SPMAP2L: variants seen among roughly 807,000 people sequenced by gnomAD.
SPMAP2L encodes the protein sperm microtubule associated protein 2-like.
chr4:56,593,160 T>C, the SPMAP2L span: 1 of 1,559,410 alleles, frequency 6.4e-7, no homozygotes, highest in Non-Finnish European at 8.8e-7. Flanking sequence ...CAGCCTGAGG[T>C]GTCTCAGGGG....
the SPMAP2L span, chr4:56,600,929 T>C: frequency 1.3e-6 from 2 of 1,533,266 alleles, no homozygotes; most frequent in South Asian, 1.2e-5. Context: ...TTGTTTCCAC[T>C]ATAGGTACCT....
the SPMAP2L span, among the ~76,000 whole-genome samples, chr4:56,589,708 G>T: frequency 5.2e-5 from 7 of 134,372 alleles, no homozygotes; most frequent in African/African-American, 1.0e-4. Flanking sequence ...TTGGGTTTTT[G>T]TTGTTGTTGT....
the SPMAP2L span, among the ~76,000 whole-genome samples, chr4:56,592,231 A>G: frequency 1.3e-4 from 20 of 152,186 alleles, no homozygotes; most frequent in Admixed American, 1.3e-3. Flanking sequence ...TTTCATCCCT[A>G]AACCATCCTT....
the SPMAP2L span, among the ~76,000 whole-genome samples, chr4:56,567,004 A>G: frequency 9.2e-5 from 14 of 151,840 alleles, no homozygotes; most frequent in Admixed American, 1.3e-4. Flanking sequence ...CTAGTGTAAG[A>G]TTCTTATAAT....
At chr4:56,551,310 G>T in the SPMAP2L span, among the ~76,000 whole-genome samples, 1 of 152,284 alleles carries the variant, frequency 6.6e-6, no homozygotes, top group Admixed American at 6.5e-5. Flanking sequence ...GGGTAGGAGT[G>T]ACATCTGTTT....
At chr4:56,545,589 C>T in the SPMAP2L span, among the ~76,000 whole-genome samples, 1 of 151,860 alleles carries the variant, frequency 6.6e-6, no homozygotes, top group Admixed American at 6.6e-5. Context: ...GGCTTGGTGG[C>T]ACACACCTGT....
chr4:56,585,602 A>G, the SPMAP2L span, among the ~76,000 whole-genome samples: 19 of 152,184 alleles, frequency 1.2e-4, no homozygotes, highest in Non-Finnish European at 2.1e-4. Context: ...TTGACCTCCC[A>G]AAATGCTGGG....
the SPMAP2L span, among the ~76,000 whole-genome samples, chr4:56,546,069 C>T: frequency 5.3e-5 from 8 of 152,220 alleles, no homozygotes; most frequent in African/African-American, 9.6e-5. Flanking sequence ...GTTGGGATTA[C>T]AGGCATAAGC....
the SPMAP2L span, among the ~76,000 whole-genome samples, chr4:56,547,362 C>T: frequency 2.0e-5 from 3 of 151,920 alleles, no homozygotes; most frequent in Non-Finnish European, 4.4e-5. Flanking sequence ...TCTCCTGCCT[C>T]AGCCTCCCAA....
chr4:56,550,851 C>T, the SPMAP2L span, among the ~76,000 whole-genome samples: 1 of 151,968 alleles, frequency 6.6e-6, no homozygotes, highest in Admixed American at 6.6e-5. Context: ...TCCGTAGTCC[C>T]AGCTACTCAG....
chr4:56,573,529 A>C, the SPMAP2L span, among the ~76,000 whole-genome samples: 13,951 of 152,056 alleles, frequency 0.092, 858 homozygotes, highest in East Asian at 0.23. Flanking sequence ...TTGGCTGCGT[A>C]ATCACCTTCT....
the SPMAP2L span, chr4:56,593,384 T>C: frequency 6.5e-5 from 84 of 1,296,756 alleles, no homozygotes; most frequent in South Asian, 2.1e-4. Flanking sequence ...GGAGTCCTCA[T>C]TGAGCTGAAG....
the SPMAP2L span, among the ~76,000 whole-genome samples, chr4:56,615,825 G>A: frequency 6.6e-6 from 1 of 152,086 alleles, no homozygotes; most frequent in African/African-American, 2.4e-5. Context: ...CCCCTGACCA[G>A]GCAACCCTTG....
At chr4:56,596,844 G>T in the SPMAP2L span, among the ~76,000 whole-genome samples, 2 of 152,330 alleles carry the variant, frequency 1.3e-5, no homozygotes, top group African/African-American at 4.8e-5. Flanking sequence ...TTTGGAGCTG[G>T]ATTCAAATTG....
chr4:56,557,036 G>A, the SPMAP2L span, among the ~76,000 whole-genome samples: 1 of 151,660 alleles, frequency 6.6e-6, no homozygotes, highest in East Asian at 1.9e-4. Flanking sequence ...ATCACTTGAC[G>A]TCAGGAGTTT....
chr4:56,545,411 T>C, the SPMAP2L span, among the ~76,000 whole-genome samples: 1 of 152,154 alleles, frequency 6.6e-6, no homozygotes, highest in Non-Finnish European at 1.5e-5. Flanking sequence ...TGTGAGTACA[T>C]GTTTACAAAG....
chr4:56,623,277 C>T, the SPMAP2L span, among the ~76,000 whole-genome samples: 1 of 152,158 alleles, frequency 6.6e-6, no homozygotes, highest in Non-Finnish European at 1.5e-5. Context: ...CCATGGAAAA[C>T]TCTTTCCAGT....
At chr4:56,583,558 A>G in the SPMAP2L span, among the ~76,000 whole-genome samples, 2 of 152,212 alleles carry the variant, frequency 1.3e-5, no homozygotes, top group African/African-American at 4.8e-5. Flanking sequence ...AAAATTTTCC[A>G]TATTAGGCTC....
chr4:56,552,014 G>A, the SPMAP2L span, among the ~76,000 whole-genome samples: 3 of 152,186 alleles, frequency 2.0e-5, no homozygotes, highest in Non-Finnish European at 2.9e-5. Flanking sequence ...GAAACATAGG[G>A]CAACACATGG....
Sources: gnomAD v4.1 joint callset for allele counts (sites outside exome capture counted in the v4.1 genomes callset) on GRCh38, gnomAD v4.1.1 for gene constraint, MANE v1.5 for transcripts, NCBI Gene and HGNC (gene_info 2026-07-23, HGNC 2026-07-21) for gene names.